The following FAM184A variants were observed in gnomAD, a reference collection of about 807,000 sequenced individuals.
FAM184A encodes the protein protein FAM184A.
FAM184A carries 99 observed loss-of-function variants against 143.8 expected under a neutral mutation model. The observed-to-expected ratio is 0.69, with a 90% CI of 0.58 to 0.81. The LOEUF (loss-of-function observed/expected upper bound fraction) is 0.81. Among genes scored for constraint, FAM184A ranks in the 40% least tolerant of loss-of-function variants. The pLI is 0.00. For missense variants in FAM184A, 1,217 were observed against 1,310.5 expected (o/e 0.93, Z 1.10); for synonymous variants, 427 against 446.4 (o/e 0.96, Z 0.55).
intron 5 of FAM184A, among the ~76,000 whole-genome samples, chr6:119,014,435 T>C (rs1021582388): frequency 4.6e-5 from 7 of 152,234 alleles, no homozygotes; most frequent in Admixed American, 3.3e-4. Flanking sequence ...TACTCTGCAA[T>C]TCTGTCTGTC....
chr6:119,044,841 T>C (rs190172004), intron 1 of FAM184A, among the ~76,000 whole-genome samples: 1 of 152,362 alleles, frequency 6.6e-6, no homozygotes, highest in Admixed American at 6.5e-5. Context: ...TGGAGTCCTC[T>C]AGAGAGTGAC....
At chr6:119,097,527 A>G (rs899865857) in intron 1 of FAM184A, among the ~76,000 whole-genome samples, 5 of 152,202 alleles carry the variant, frequency 3.3e-5, no homozygotes, top group African/African-American at 9.6e-5. Context: ...ACTATTTTAC[A>G]TATACATTTA....
At chr6:118,989,802 ATT>A (rs1784314965) in intron 9 of FAM184A, among the ~76,000 whole-genome samples, 2 of 39,962 alleles carry the variant, frequency 5.0e-5, no homozygotes, top group African/African-American at 3.1e-4. Flanking sequence ...GTATTTTTAC[ATT>A]TATTTATTTA....
Position 118,979,470 on chromosome 6 carries a change from G to A in FAM184A, c.2350C>T (p.Leu784=). The A allele has an allele frequency of 6.2e-7, 1 of 1,613,654 alleles. No homozygotes were observed. ...ATTGACTCTCTGTGTGCATCTTTTA[G>A]TGATTGAAGCTCTGCAGAATGCTTC... ...QQKHSAELQS[L]KDAHRESMEG... The change falls in exon 11 of 18, where the codon CTA becomes TTA. Residue 784 remains leucine, a synonymous_variant. Coordinates refer to ENST00000338891, the MANE Select transcript of FAM184A (RefSeq NM_024581.6).
In FAM184A at chr6:118,984,247, T is replaced by TTA. The variant is rs550923161; in HGVS notation, c.2089-3899_2089-3898dup. On this transcript the variant is annotated intron_variant, in intron 9 of 17. Transcript: ENST00000338891. Reference sequence around the variant, plus strand: ...TTTGTATATTTATATTTATATATATTTATATATATGGCTCACTGCAGCCTC... The same window carrying TTA: ...TTTGTATATTTATATTTATATATATTTATATATATATGGCTCACTGCAGCCTC... Among the ~76,000 whole-genome samples the TTA allele has an allele frequency of 6.2e-3, 909 of 146,816 alleles. 8 individuals carry two copies. The highest frequency in any genetic ancestry group is 0.021 in the African/African-American group (853 of 40,086).
At chr6:119,017,390 T>A (rs1024030559) in intron 4 of FAM184A, among the ~76,000 whole-genome samples, 1 of 151,420 alleles carries the variant, frequency 6.6e-6, no homozygotes. Context: ...CCCAGCTACT[T>A]GGGAGGCTGA....
chr6:119,084,571 G>A (rs1486037645), intron 1 of FAM184A, among the ~76,000 whole-genome samples: 1 of 152,208 alleles, frequency 6.6e-6, no homozygotes, highest in Non-Finnish European at 1.5e-5. Context: ...GGCACAGGGT[G>A]CAAGCTGCCA....
intron 1 of FAM184A, among the ~76,000 whole-genome samples, chr6:119,136,921 T>C (rs1387006644): frequency 6.6e-6 from 1 of 152,104 alleles, no homozygotes; most frequent in Admixed American, 6.5e-5. Flanking sequence ...ATGCTGTTAC[T>C]AAAAAAATGG....
rs147718419 is a variant in FAM184A at position 119,098,684 on chromosome 6, A to G, written c.-202+50394T>C. 6.4e-3 allele frequency among the ~76,000 whole-genome samples: 978 copies of G among 152,330 alleles called. 7 individuals are homozygous for G. The highest frequency in any genetic ancestry group is 0.012 in the Non-Finnish European group (820 of 68,032). On this transcript the variant is annotated intron_variant, in intron 1 of 16. Transcript: ENST00000352896. Reference sequence around the variant, plus strand: ...GAAATGATAGGTCTGGCCCATGGGCATGACTTCCTCCAGGTCCCTCAGGAA... The same window carrying G: ...GAAATGATAGGTCTGGCCCATGGGCGTGACTTCCTCCAGGTCCCTCAGGAA...
intron 1 of FAM184A, among the ~76,000 whole-genome samples, chr6:119,029,786 G>T (rs1356699187): frequency 6.6e-6 from 1 of 152,082 alleles, no homozygotes; most frequent in South Asian, 2.1e-4. Flanking sequence ...ACAACCTGTA[G>T]GCCAAATATG....
chr6:119,091,934 A>G (rs1290528984), intron 1 of FAM184A, among the ~76,000 whole-genome samples: 1 of 152,192 alleles, frequency 6.6e-6, no homozygotes, highest in African/African-American at 2.4e-5. Context: ...CAAAGCTACT[A>G]TGTTGATGGG....
At chr6:119,051,956 C>G (rs183779904) in intron 1 of FAM184A, among the ~76,000 whole-genome samples, 216 of 152,250 alleles carry the variant, frequency 1.4e-3, no homozygotes, top group Non-Finnish European at 2.5e-3. Flanking sequence ...AGTCAGCAGC[C>G]ATTGGAGGCC....
rs553043649 is a variant in FAM184A at position 119,005,973 on chromosome 6, T to C, written c.1815+474A>G. The C allele has an allele frequency of 3.1e-5, 19 of 612,532 alleles. No individual in the cohort carries two copies. In the East Asian group the frequency reaches 3.6e-4, roughly 12 times the overall value. 37.9% of individuals were successfully genotyped at this position (612,532 alleles called of 1,614,324 possible). On this transcript the variant is annotated intron_variant, in intron 7 of 17. Transcript: ENST00000338891. Reference sequence around the variant, plus strand: ...GTTGAACTGGGTCCCCAAAAAGATATACCGAAGTCCTACCCTCCCAATACC... The same window carrying C: ...GTTGAACTGGGTCCCCAAAAAGATACACCGAAGTCCTACCCTCCCAATACC...
chr6:119,111,454 C>T (rs1467855454), intron 1 of FAM184A, among the ~76,000 whole-genome samples: 2 of 152,052 alleles, frequency 1.3e-5, no homozygotes, highest in Non-Finnish European at 2.9e-5. Flanking sequence ...GATGGTTGCA[C>T]AAAAATGTGA....
At chr6:119,017,303 C>A (rs1274398771) in intron 4 of FAM184A, among the ~76,000 whole-genome samples, 1 of 152,138 alleles carries the variant, frequency 6.6e-6, no homozygotes, top group Admixed American at 6.5e-5. Context: ...TCAAGACCAT[C>A]CTGGCTAACA....
At chr6:119,106,179 T>A (rs986510659) in intron 1 of FAM184A, among the ~76,000 whole-genome samples, 2 of 152,182 alleles carry the variant, frequency 1.3e-5, no homozygotes, top group South Asian at 4.1e-4. Flanking sequence ...GATCACAAGG[T>A]CAGGAGATCG....
rs1562477714 is a variant in FAM184A at position 119,023,183 on chromosome 6, C to A, written c.1015-103G>T. On this transcript the variant is annotated intron_variant, in intron 2 of 17. Coordinates refer to ENST00000338891, the MANE Select transcript of FAM184A (RefSeq NM_024581.6). ...AGCTTTCTCTTATTCAGAAGTCATA[C>A]TAAACTATATACCAATTTTTAAATC... 24 of 1,228,816 alleles carry A rather than the reference C, an allele frequency of 2.0e-5. No homozygotes were observed. In the South Asian group the frequency reaches 2.4e-4, roughly 12 times the overall value. 76.1% of individuals were successfully genotyped at this position (1,228,816 alleles called of 1,614,324 possible).
intron 1 of FAM184A, among the ~76,000 whole-genome samples, chr6:119,143,033 C>T (rs932558916): frequency 6.6e-6 from 1 of 152,134 alleles, no homozygotes; most frequent in Non-Finnish European, 1.5e-5. Context: ...AGGTATGGGG[C>T]AGATTCTCCC....
rs149634325 is a variant in FAM184A at position 119,016,443 on chromosome 6, C to A, written c.1530+304G>T. ...TGAGCCTAGCAAGACCACGAGCCCA[C>A]TGGGAGGAACGAACAACTCCAGACG... On this transcript the variant is annotated intron_variant, in intron 5 of 17. Coordinates refer to ENST00000338891, the MANE Select transcript of FAM184A (RefSeq NM_024581.6). Among the ~76,000 whole-genome samples the A allele has an allele frequency of 6.7e-3, 1,020 of 152,268 alleles. 8 individuals are homozygous for A. Among genetic ancestry groups the A allele is most frequent in the African/African-American group, 0.023 (955 of 41,546 alleles).
Sources: gnomAD v4.1 joint callset for allele counts (sites outside exome capture counted in the v4.1 genomes callset) on GRCh38, gnomAD v4.1.1 for gene constraint, MANE v1.5 for transcripts, NCBI Gene and HGNC (gene_info 2026-07-23, HGNC 2026-07-21) for gene names.